Variants in RPH3A observed in about 807,000 individuals in gnomAD.
The protein encoded by RPH3A is rabphilin 3A, also known as rabphilin-3A.
RPH3A carries 48 observed loss-of-function variants against 102.2 expected under a neutral mutation model. That is an observed-to-expected ratio of 0.47 (90% CI 0.37 to 0.60). The LOEUF is 0.60. Among genes scored for constraint, RPH3A ranks in the 20% least tolerant of loss-of-function variants. The pLI is 0.00. For missense variants in RPH3A, 781 were observed against 910.1 expected, an observed-to-expected ratio of 0.86 and a Z score of 1.83; for synonymous variants, 310 against 324.3, an observed-to-expected ratio of 0.96 and a Z score of 0.47.
At chr12:112,690,609 A>G (rs1228015963) in intron 1 of RPH3A, among the ~76,000 whole-genome samples, 3 of 152,206 alleles carry the variant, frequency 2.0e-5, no homozygotes, top group Admixed American at 1.3e-4. Context: ...GTATGATGTA[A>G]GAAGAACACA....
intron 4 of RPH3A, among the ~76,000 whole-genome samples, chr12:112,844,448 C>G (rs2042198002): frequency 1.3e-5 from 2 of 152,310 alleles, no homozygotes; most frequent in South Asian, 4.1e-4. Context: ...CTGCCAATGA[C>G]ACAAATTTGC....
At chr12:112,829,125 C>T (rs1320192446) in intron 3 of RPH3A, among the ~76,000 whole-genome samples, 1 of 152,204 alleles carries the variant, frequency 6.6e-6, no homozygotes, top group East Asian at 1.9e-4. Flanking sequence ...TAACTGTGAA[C>T]TTCTGTCGAT....
chr12:112,701,442 G>A (rs2040393721), intron 1 of RPH3A, among the ~76,000 whole-genome samples: 2 of 152,234 alleles, frequency 1.3e-5, no homozygotes, highest in Admixed American at 6.5e-5. Flanking sequence ...GGGCCTCAGT[G>A]AGCAGAATCA....
chr12:112,611,524 C>T (rs1385645764), intron 1 of RPH3A, among the ~76,000 whole-genome samples: 7 of 152,112 alleles, frequency 4.6e-5, no homozygotes, highest in East Asian at 1.9e-4. Flanking sequence ...CTGCAACCTC[C>T]GCCTCCCGGG....
At chr12:112,584,775 T>C (rs192980909) in intron 1 of RPH3A, among the ~76,000 whole-genome samples, 1 of 152,314 alleles carries the variant, frequency 6.6e-6, no homozygotes, top group Admixed American at 6.5e-5. Context: ...GAGCCAATTA[T>C]TGTTTGAGGC....
Position 112,685,137 on chromosome 12 carries a change from A to C in RPH3A, c.-139-107006A>C, listed in dbSNP as rs118160150. Among the ~76,000 whole-genome samples, 1,011 of 152,184 alleles carry C rather than the reference A, an allele frequency of 6.6e-3. 3 individuals carry two copies. Among genetic ancestry groups the C allele is most frequent in the Non-Finnish European group, 9.4e-3 (636 of 68,002 alleles). ...TTTTTTGTAGAGATGGGTTCTCACT[A>C]TGTTGCCCAGGCTGGTCTCAAACTC... On this transcript the variant is annotated intron_variant, in intron 1 of 21. Coordinates refer to the RPH3A transcript ENST00000543106.
intron 1 of RPH3A, among the ~76,000 whole-genome samples, chr12:112,727,500 C>CA (rs1412168059): frequency 1.0e-5 from 1 of 98,494 alleles, no homozygotes; most frequent in African/African-American, 4.3e-5. Context: ...CAGACCCCCC[C>CA]CCCCCACACA....
intron 16 of RPH3A, among the ~76,000 whole-genome samples, chr12:112,884,343 TG>T (rs1422935082): frequency 5.3e-5 from 8 of 152,222 alleles, no homozygotes; most frequent in Non-Finnish European, 1.0e-4. Flanking sequence ...TCTCCCACCC[TG>T]TCCTGTCCTC....
At chr12:112,581,025 C>T (rs932419525) in intron 1 of RPH3A, among the ~76,000 whole-genome samples, 1 of 152,190 alleles carries the variant, frequency 6.6e-6, no homozygotes, top group Admixed American at 6.5e-5. Flanking sequence ...TAGACAAGAA[C>T]TGTGGTAATT....
chr12:112,834,100 C>G (rs1349163552), intron 3 of RPH3A, among the ~76,000 whole-genome samples: 1 of 152,198 alleles, frequency 6.6e-6, no homozygotes, highest in Admixed American at 6.5e-5. Context: ...GCCAAAACTT[C>G]TTTGTTACCC....
At chr12:112,766,286 A>T (rs2040888034) in intron 1 of RPH3A, among the ~76,000 whole-genome samples, 1 of 152,150 alleles carries the variant, frequency 6.6e-6, no homozygotes, top group African/African-American at 2.4e-5. Flanking sequence ...CAGTAATAGC[A>T]CCTGCCTCAT....
intron 4 of RPH3A, among the ~76,000 whole-genome samples, chr12:112,846,593 CTG>C (rs2042232016): frequency 6.6e-6 from 1 of 152,224 alleles, no homozygotes; most frequent in East Asian, 1.9e-4. Flanking sequence ...ATGCCTACTG[CTG>C]TGATTAGGCC....
intron 1 of RPH3A, among the ~76,000 whole-genome samples, chr12:112,641,155 A>C (rs1379958932): frequency 6.6e-6 from 1 of 152,252 alleles, no homozygotes; most frequent in African/African-American, 2.4e-5. Flanking sequence ...CATCGCAGAA[A>C]GCAAATTTTG....
At chr12:112,656,860 A>T (rs531062842) in intron 1 of RPH3A, among the ~76,000 whole-genome samples, 1 of 152,104 alleles carries the variant, frequency 6.6e-6, no homozygotes, top group African/African-American at 2.4e-5. Flanking sequence ...ATTGATGGAC[A>T]CTTAGGTTGA....
intron 1 of RPH3A, among the ~76,000 whole-genome samples, chr12:112,621,000 T>A (rs2039718073): frequency 6.6e-6 from 1 of 151,954 alleles, no homozygotes; most frequent in African/African-American, 2.4e-5. Context: ...TCCTATTTTT[T>A]AACATTATTA....
intron 12 of RPH3A, 23 bp downstream of exon 12, chr12:112,875,764 G>T (rs779079913): frequency 6.2e-7 from 1 of 1,611,986 alleles, no homozygotes; most frequent in East Asian, 2.2e-5. Context: ...TTCCTCCCAT[G>T]CCTGCCCAAG....
At position 112,880,543 on chromosome 12, in the gene RPH3A, C is replaced by T. The variant is rs537477674; in HGVS notation, c.1252-1229C>T. On this transcript the variant is annotated intron_variant, in intron 14 of 21. Coordinates refer to ENST00000389385, the MANE Select transcript of RPH3A (RefSeq NM_001143854.2). ...CTTTACAGGCAAGATCTCATTTAAT[C>T]CTCTAAGAGCCCCATGAAGCAGGAG... 1.3e-4 allele frequency among the ~76,000 whole-genome samples: 20 copies of T among 152,238 alleles called. No homozygotes were observed. In the South Asian group the frequency reaches 4.2e-3, roughly 32 times the overall value.
chr12:112,665,114 T>C (rs564374691), intron 1 of RPH3A, among the ~76,000 whole-genome samples: 4 of 152,280 alleles, frequency 2.6e-5, no homozygotes, highest in Non-Finnish European at 4.4e-5. Context: ...TTTTCTTCCC[T>C]TTTCATCTCA....
intron 2 of RPH3A, among the ~76,000 whole-genome samples, chr12:112,811,814 A>T (rs1158932925): frequency 6.6e-6 from 1 of 152,178 alleles, no homozygotes; most frequent in African/African-American, 2.4e-5. Flanking sequence ...TTGATTGCAA[A>T]CCTTACTCAA....
Sources: gnomAD v4.1 joint callset for allele counts (sites outside exome capture counted in the v4.1 genomes callset) on GRCh38, gnomAD v4.1.1 for gene constraint, MANE v1.5 for transcripts, NCBI Gene and HGNC (gene_info 2026-07-23, HGNC 2026-07-21) for gene names.